FSCN1: variants seen among roughly 807,000 people sequenced by gnomAD.
FSCN1 encodes the protein fascin.
In FSCN1, 10 loss-of-function variants were observed where a neutral mutation model predicts 39.7. The ratio of observed to expected loss-of-function variants is 0.25; its 90% confidence interval spans 0.16 to 0.43. FSCN1 has a LOEUF of 0.43. FSCN1 is among the 20% of genes least tolerant of loss of function. The pLI, the probability that FSCN1 is intolerant of heterozygous loss-of-function variation, is 1.00. For missense variants in FSCN1, 525 were observed against 723.8 expected (o/e 0.73, Z 3.15); for synonymous variants, 322 against 320.0 (o/e 1.01, Z -0.07).
At chr7:5,597,403 C>T (rs779216514) in intron 1 of FSCN1, among the ~76,000 whole-genome samples, 12 of 150,792 alleles carry the variant, frequency 8.0e-5, no homozygotes, top group Non-Finnish European at 4.4e-5. Context: ...CGGTGGCTCA[C>T]GCCTGTAATG....
Position 5,592,926 on chromosome 7 carries a change from C to T in FSCN1, c.-11C>T. On this transcript the variant is annotated 5_prime_UTR_variant, in exon 1 of 5. Coordinates refer to ENST00000382361, the MANE Select transcript of FSCN1 (RefSeq NM_003088.4). The surrounding 1 kb of genome is among the most constrained non-coding windows in gnomAD (Gnocchi z 5.3). ...CCGGGGCCGCGCAGCGGCCTCTCGT[C>T]TACTGCCACCATGACCGCCAACGGC... The T allele has an allele frequency of 2.7e-6, 4 of 1,485,044 alleles. No homozygotes were observed. The South Asian group carries it at 5.4e-5, about 20-fold the overall frequency. The allele number at this position is 1,485,044 out of a possible 1,614,324, so 92.0% of individuals were successfully genotyped here.
chr7:5,593,818 C>T (rs1381352549), intron 1 of FSCN1, 50 bp downstream of exon 1: 3 of 1,247,736 alleles, frequency 2.4e-6, no homozygotes, highest in African/African-American at 3.1e-5. Flanking sequence ...ACAAAGCGCA[C>T]CCCACCCGCG....
chr7:5,593,591 G>A lies in FSCN1; in HGVS notation c.655G>A (p.Gly219Ser), dbSNP rs769995534. The A allele has an allele frequency of 3.8e-6, 6 of 1,562,794 alleles. No homozygotes were observed. The highest frequency in any genetic ancestry group is 3.4e-5 in the South Asian group (3 of 87,226). The change falls in exon 1 of 5, where the codon GGC becomes AGC. Residue 219 changes from glycine (G) to serine (S), a missense_variant. Physicochemically the swap from Gly to Ser is moderately conservative, Grantham distance 56 (BLOSUM62 0). Transcript: ENST00000382361. Reference protein sequence around the residue: ...ATGYTLEFRSGKVAFRDCEGR... With the variant: ...ATGYTLEFRSSKVAFRDCEGR... ...TGGCTACACGCTGGAGTTCCGCTCC[G>A]GCAAGGTGGCCTTCCGCGACTGCGA...
chr7:5,596,003 T>G, intron 1 of FSCN1, among the ~76,000 whole-genome samples: 1 of 133,914 alleles, frequency 7.5e-6, no homozygotes, highest in Non-Finnish European at 1.6e-5. Context: ...TGGCTCAGCT[T>G]GGAGTTGAAA....
In FSCN1 at chr7:5,592,879, G is replaced by T. The variant is rs557169834; in HGVS notation, c.-58G>T. 1.8e-6 allele frequency: 2 copies of T among 1,093,416 alleles called. No homozygotes were observed. The highest frequency in any genetic ancestry group is 2.7e-5 in the East Asian group (1 of 36,760). 67.7% of individuals were successfully genotyped at this position (1,093,416 alleles called of 1,614,324 possible). ...CGAACAAAGGAGCAGGGGCGCCGCC[G>T]CAGGGACCCGCCACCCACCTCCCGG... On this transcript the variant is annotated 5_prime_UTR_variant, in exon 1 of 5. Coordinates refer to ENST00000382361, the MANE Select transcript of FSCN1 (RefSeq NM_003088.4). This position sits in a 1 kb window ranked among gnomAD's most constrained non-coding sequence, Gnocchi z 5.3.
In FSCN1 at chr7:5,603,241, G is replaced by C; in HGVS notation, c.833-16G>C. 6.2e-7 allele frequency: 1 copy of C among 1,611,332 alleles called. No homozygotes were observed. The highest frequency in any genetic ancestry group is 8.5e-7 in the Non-Finnish European group (1 of 1,179,810). On this transcript the variant is annotated splice_polypyrimidine_tract_variant and intron_variant, in intron 1 of 4. Coordinates refer to ENST00000382361, the MANE Select transcript of FSCN1 (RefSeq NM_003088.4). The surrounding 1 kb of genome is among the most constrained non-coding windows in gnomAD (Gnocchi z 8.5). ...GCGTGGGGCCCCAGTACCAGCCCAA[G>C]GCCTCCTCTCTGCAGGTATGGACCT...
At chr7:5,597,579 A>T (rs1400638873) in intron 1 of FSCN1, among the ~76,000 whole-genome samples, 1 of 151,844 alleles carries the variant, frequency 6.6e-6, no homozygotes, top group Non-Finnish European at 1.5e-5. Flanking sequence ...AGGCAGGAGA[A>T]TCCCTTGAAC....
At position 5,598,019 on chromosome 7, in the gene FSCN1, G is replaced by C. The variant is rs549203266; in HGVS notation, c.832+4251G>C. On this transcript the variant is annotated intron_variant, in intron 1 of 4. Transcript: ENST00000382361. Reference sequence around the variant, plus strand: ...ATTAGAGACTCCAAGGCCAAGCGAGGGCCTTGGAGCCAGGAGGGGCCCTGC... The same window carrying C: ...ATTAGAGACTCCAAGGCCAAGCGAGCGCCTTGGAGCCAGGAGGGGCCCTGC... 1.8e-4 allele frequency among the ~76,000 whole-genome samples: 27 copies of C among 152,310 alleles called. No individual in the cohort carries two copies. In the South Asian group the frequency reaches 5.6e-3, roughly 32 times the overall value.
chr7:5,596,556 C>T (rs180988984), intron 1 of FSCN1, among the ~76,000 whole-genome samples: 2 of 152,306 alleles, frequency 1.3e-5, no homozygotes, highest in East Asian at 1.9e-4. Flanking sequence ...ACCCTGGCCC[C>T]GACCCTGGGC....
At chr7:5,600,747 G>A (rs1202720592) in intron 1 of FSCN1, among the ~76,000 whole-genome samples, 1 of 151,390 alleles carries the variant, frequency 6.6e-6, no homozygotes, top group Non-Finnish European at 1.5e-5. Context: ...TCCACCTCCC[G>A]GGTTCACGCC....
intron 1 of FSCN1, among the ~76,000 whole-genome samples, chr7:5,601,209 T>G (rs891489320): frequency 1.4e-5 from 2 of 146,340 alleles, no homozygotes; most frequent in African/African-American, 5.0e-5. Context: ...TTTTTTTTTT[T>G]TTTTTTTTTT....
intron 1 of FSCN1, among the ~76,000 whole-genome samples, chr7:5,596,046 T>A (rs1584298816): frequency 7.7e-6 from 1 of 130,476 alleles, no homozygotes; most frequent in Non-Finnish European, 1.6e-5. Flanking sequence ...TGGGGGTACT[T>A]GGGGGCCGAG....
chr7:5,601,505 A>T (rs528215701), intron 1 of FSCN1, among the ~76,000 whole-genome samples: 1 of 152,050 alleles, frequency 6.6e-6, no homozygotes, highest in African/African-American at 2.4e-5. Flanking sequence ...GGCAACCCGC[A>T]TGCTTCTTAT....
intron 4 of FSCN1, 67 bp downstream of exon 4, chr7:5,604,097 G>T: frequency 2.0e-6 from 3 of 1,474,768 alleles, no homozygotes; most frequent in Non-Finnish European, 2.8e-6. Flanking sequence ...CAGTGCTGCG[G>T]GGAGCGCCCT....
In FSCN1 at chr7:5,603,202, G is replaced by C. The variant is rs543376684; in HGVS notation, c.833-55G>C. 1 of 1,594,558 alleles carries C rather than the reference G, an allele frequency of 6.3e-7. No homozygotes were observed. Among genetic ancestry groups the C allele is most frequent in the Non-Finnish European group, 8.6e-7 (1 of 1,168,848 alleles). ...TTCTGTGAGCTCAGGGCTATGGTCTGCCAGAACTAGGGGGCGTGGGGCCCC... is the reference window on the plus strand; with the variant it reads ...TTCTGTGAGCTCAGGGCTATGGTCTCCCAGAACTAGGGGGCGTGGGGCCCC... On this transcript the variant is annotated intron_variant, in intron 1 of 4. Coordinates refer to ENST00000382361, the MANE Select transcript of FSCN1 (RefSeq NM_003088.4). The surrounding 1 kb of genome is among the most constrained non-coding windows in gnomAD (Gnocchi z 8.5).
At chr7:5,602,974 T>G in intron 1 of FSCN1, 1 of 468,478 alleles carries the variant, frequency 2.1e-6, no homozygotes, top group Non-Finnish European at 3.9e-6. Context: ...CCTCCCAAAG[T>G]GTTGCGATCA....
rs1390514991 is a variant in FSCN1 at position 5,605,478 on chromosome 7, C to T, written c.*4C>T. On this transcript the variant is annotated 3_prime_UTR_variant, in exon 5 of 5. Coordinates refer to ENST00000382361, the MANE Select transcript of FSCN1 (RefSeq NM_003088.4). The surrounding 1 kb of genome is among the most constrained non-coding windows in gnomAD (Gnocchi z 6.9). ...CGCCTCGCTCTGGGAGTACTAGGGC[C>T]GGCCCGTCCTTCCCCGCCCCTGCCC... is the stretch of plus-strand genomic sequence containing the variant. The T allele has an allele frequency of 3.2e-6, 5 of 1,549,250 alleles. No homozygotes were observed. Among genetic ancestry groups the T allele is most frequent in the Middle Eastern group, 3.4e-4 (2 of 5,932 alleles).
chr7:5,605,514 TCCTGCCAACCCTC>T lies in FSCN1; in HGVS notation c.*46_*58del, dbSNP rs1460787498. On this transcript the variant is annotated 3_prime_UTR_variant, in exon 5 of 5. Coordinates refer to ENST00000382361, the MANE Select transcript of FSCN1 (RefSeq NM_003088.4). This position sits in a 1 kb window ranked among gnomAD's most constrained non-coding sequence, Gnocchi z 6.9. ...TCCCCGCCCCTGCCCACATGGCGGC[TCCTGCCAACCCTC>T]CCTGCTAACCCCTTCTCCGCCAGGT... The T allele has an allele frequency of 2.1e-5, 30 of 1,415,428 alleles. No homozygotes were observed. The highest frequency in any genetic ancestry group is 2.9e-5 in the Non-Finnish European group (30 of 1,038,900). The allele number at this position is 1,415,428 out of a possible 1,614,324, so 87.7% of individuals were successfully genotyped here. A position where few individuals can be genotyped will look rare whatever the true frequency, so the allele number is the denominator to read the frequency against.
In FSCN1 at chr7:5,605,624, T is replaced by C. The variant is rs1283693588; in HGVS notation, c.*150T>C. 2 of 635,174 alleles carry C rather than the reference T, an allele frequency of 3.1e-6. No individual in the cohort carries two copies. The highest frequency in any genetic ancestry group is 5.4e-6 in the Non-Finnish European group (2 of 369,920). The allele number at this position is 635,174 out of a possible 1,614,324, so 39.3% of individuals were successfully genotyped here. ...CCCCAGAGAAAACGGTGCCCCCACC[T>C]GTCGCCCCTATGGACTCCCCACTCT... is the stretch of plus-strand genomic sequence containing the variant. On this transcript the variant is annotated 3_prime_UTR_variant, in exon 5 of 5. Coordinates refer to ENST00000382361, the MANE Select transcript of FSCN1 (RefSeq NM_003088.4). The surrounding 1 kb of genome is among the most constrained non-coding windows in gnomAD (Gnocchi z 6.9).
Sources: gnomAD v4.1 joint callset for allele counts (sites outside exome capture counted in the v4.1 genomes callset) on GRCh38, gnomAD v4.1.1 for gene constraint, Gnocchi (gnomAD v3.1) non-coding constraint, MANE v1.5 for transcripts, NCBI Gene and HGNC (gene_info 2026-07-23, HGNC 2026-07-21) for gene names.